Variants in P2RX7 observed in about 807,000 individuals in gnomAD.
P2RX7 encodes the protein P2X purinoceptor 7.
Under a neutral mutation model 71.6 loss-of-function variants are expected in P2RX7, and 62 were observed. The ratio of observed to expected loss-of-function variants is 0.87; its 90% confidence interval spans 0.71 to 1.07. The LOEUF (loss-of-function observed/expected upper bound fraction) is 1.07. P2RX7 is among the 50% of genes least tolerant of loss of function. The pLI, the probability that P2RX7 is intolerant of heterozygous loss-of-function variation, is 0.00. For missense variants in P2RX7, 686 were observed against 748.5 expected (o/e 0.92, Z 0.97); for synonymous variants, 299 against 283.3 (o/e 1.06, Z -0.56).
chr12:121,172,062 C>A (rs1365792668), intron 8 of P2RX7, among the ~76,000 whole-genome samples: 3 of 151,874 alleles, frequency 2.0e-5, no homozygotes, highest in Non-Finnish European at 4.4e-5. Context: ...GGGGTTTCAC[C>A]ATGTTAGCCA....
Position 121,184,793 on chromosome 12 carries a change from T to C in P2RX7, c.1779T>C (p.Ser593=), listed in dbSNP as rs1431456237. ...KSEGQYSGFK[S]PY The stretch of plus-strand genomic sequence containing the variant: ...AAGGGCAGTACAGTGGCTTCAAGAG[T>C]CCTTACTGAAGCCAGGCACCGTGGC... The change falls in exon 13 of 13, where the codon AGT becomes AGC. Residue 593 remains serine (S), a synonymous_variant. Coordinates refer to ENST00000328963, the MANE Select transcript of P2RX7 (RefSeq NM_002562.6). 1.3e-6 allele frequency: 2 copies of C among 1,538,094 alleles called. No individual in the cohort carries two copies. The highest frequency in any genetic ancestry group is 1.4e-5 in the African/African-American group (1 of 72,680).
intron 1 of P2RX7, among the ~76,000 whole-genome samples, chr12:121,145,502 C>T (rs960896861): frequency 1.4e-5 from 2 of 144,670 alleles, no homozygotes; most frequent in African/African-American, 5.5e-5. Context: ...TTTCTTTCTT[C>T]TTTCTTTCTT....
intron 9 of P2RX7, among the ~76,000 whole-genome samples, chr12:121,176,437 G>T (rs113697830): frequency 6.0e-4 from 92 of 152,298 alleles, no homozygotes; most frequent in Middle Eastern, 3.4e-3. Context: ...CTGAGAGAAT[G>T]CAAAGACCGC....
chr12:121,151,620 T>G (rs1474255272), intron 1 of P2RX7, among the ~76,000 whole-genome samples: 2 of 152,180 alleles, frequency 1.3e-5, no homozygotes, highest in African/African-American at 4.8e-5. Context: ...AATTTTTTAT[T>G]GGGGTGAAAT....
At chr12:121,158,169 A>G (rs1306959684) in intron 3 of P2RX7, among the ~76,000 whole-genome samples, 2 of 152,142 alleles carry the variant, frequency 1.3e-5, no homozygotes, top group East Asian at 3.8e-4. Context: ...ACATGAATAG[A>G]TATTTGCTCC....
At chr12:121,181,075 C>T (rs1364177238) in intron 12 of P2RX7, among the ~76,000 whole-genome samples, 1 of 152,204 alleles carries the variant, frequency 6.6e-6, no homozygotes, top group African/African-American at 2.4e-5. Flanking sequence ...AGCCCACCAA[C>T]TGCCCTCTCT....
intron 8 of P2RX7, among the ~76,000 whole-genome samples, chr12:121,168,178 A>C (rs1460073438): frequency 6.6e-6 from 1 of 152,066 alleles, no homozygotes; most frequent in African/African-American, 2.4e-5. Context: ...AGCCACTCAA[A>C]ATTCTTTGTA....
At position 121,154,886 on chromosome 12, in the gene P2RX7, T is replaced by C. The variant is rs17525809; in HGVS notation, c.227T>C (p.Val76Ala). ...ATAGCAGAGGTGAAAGAGGAGATCGTGGAGAATGGAGTGAAGAAGTTGGTG... is the reference window on the plus strand; with the variant it reads ...ATAGCAGAGGTGAAAGAGGAGATCGCGGAGAATGGAGTGAAGAAGTTGGTG... ...KGIAEVKEEI[V>A]ENGVKKLVHS... The change falls in exon 2 of 13, where the codon GTG (valine) becomes GCG (alanine). Residue 76 changes from valine to alanine, a missense_variant. Val to Ala is a moderately conservative substitution (Grantham distance 64). Coordinates refer to ENST00000328963, the MANE Select transcript of P2RX7 (RefSeq NM_002562.6). This position sits in a 1 kb window ranked among gnomAD's most constrained non-coding sequence, Gnocchi z 4.2. 111,594 of 1,613,982 alleles carry C rather than the reference T, an allele frequency of 0.069. 4,300 individuals carry two copies. Among genetic ancestry groups the C allele is most frequent in the South Asian group, 0.082 (7,500 of 91,078 alleles).
intron 8 of P2RX7, among the ~76,000 whole-genome samples, chr12:121,169,565 GTGTTTC>G (rs1203026516): frequency 5.3e-5 from 8 of 152,124 alleles, no homozygotes; most frequent in Non-Finnish European, 8.8e-5. Flanking sequence ...CCCCTTAAAT[GTGTTTC>G]TGTTTCTGTT....
intron 1 of P2RX7, among the ~76,000 whole-genome samples, chr12:121,152,549 T>C (rs1201998962): frequency 6.6e-6 from 1 of 152,008 alleles, no homozygotes; most frequent in Non-Finnish European, 1.5e-5. Flanking sequence ...GATGGAGCTT[T>C]GTTCTTGTTG....
intron 7 of P2RX7, 131 bp downstream of exon 7, chr12:121,166,318 C>A: frequency 1.0e-6 from 1 of 978,024 alleles, no homozygotes; most frequent in Non-Finnish European, 1.5e-6. Context: ...GTAAATCCAC[C>A]CGCTACGCTA....
intron 11 of P2RX7, among the ~76,000 whole-genome samples, chr12:121,178,791 CAAAAA>C (rs386377968): frequency 2.0e-4 from 13 of 66,510 alleles, no homozygotes; most frequent in Middle Eastern, 0.012. Flanking sequence ...AACTCTGTCT[CAAAAA>C]AAAAAAAAAA....
rs1878129305 is a variant in P2RX7 at position 121,154,339 on chromosome 12, AT to A, written c.126-444del. 6.6e-6 allele frequency among the ~76,000 whole-genome samples: 1 copy of A among 151,864 alleles called. No homozygotes were observed. The highest frequency in any genetic ancestry group is 1.5e-5 in the Non-Finnish European group (1 of 68,000). ...GAGAGTAGCTGCCATTTTCAATGTTATTGATAAAGCAGGTGGGTGTTTCTGA... is the reference window on the plus strand; with the variant it reads ...GAGAGTAGCTGCCATTTTCAATGTTATGATAAAGCAGGTGGGTGTTTCTGA... On this transcript the variant is annotated intron_variant, in intron 1 of 12. Transcript: ENST00000328963. This position sits in a 1 kb window ranked among gnomAD's most constrained non-coding sequence, Gnocchi z 4.2.
intron 2 of P2RX7, among the ~76,000 whole-genome samples, 166 bp from the exon 3 acceptor site, chr12:121,155,913 C>G (rs768080706): frequency 6.6e-6 from 1 of 152,212 alleles, no homozygotes; most frequent in African/African-American, 2.4e-5. Context: ...CAGGGCTGCT[C>G]GTCCAGCTTT....
chr12:121,141,273 G>A (rs116143798), intron 1 of P2RX7, among the ~76,000 whole-genome samples: 286 of 152,312 alleles, frequency 1.9e-3, no homozygotes, highest in East Asian at 8.3e-3. Flanking sequence ...AGCTGCCTCC[G>A]CATCTGATTT....
chr12:121,173,977 G>A (rs1231746030), intron 8 of P2RX7, among the ~76,000 whole-genome samples: 1 of 151,790 alleles, frequency 6.6e-6, no homozygotes, highest in Non-Finnish European at 1.5e-5. Context: ...ACTCCAGCCT[G>A]GTTGAAGGAA....
rs760498473 is a variant in P2RX7 at position 121,156,145 on chromosome 12, G to A, written c.361G>A (p.Glu121Lys). 21 of 1,613,526 alleles carry A rather than the reference G, an allele frequency of 1.3e-5. No individual in the cohort carries two copies. Among genetic ancestry groups the A allele is most frequent in the African/African-American group, 9.3e-5 (7 of 74,924 alleles). Residue 121 changes from glutamate to lysine, a missense_variant and splice_region_variant, in exon 3 of 13, where the codon GAG (glutamate) becomes AAG (lysine). By Grantham distance (56) the Glu-to-Lys change is moderately conservative. Coordinates refer to ENST00000328963, the MANE Select transcript of P2RX7 (RefSeq NM_002562.6). ...TEGQEQRLCPEYPTRRTLCSS... is the reference protein window; with the variant it reads ...TEGQEQRLCPKYPTRRTLCSS... ...AGGCCAAGAGCAGCGGTTGTGTCCC[G>A]AGGTAAGGAGGGGACCTGGAGTGGT... is the stretch of plus-strand genomic sequence containing the variant.
chr12:121,163,203 G>C (rs2136077491), intron 5 of P2RX7, among the ~76,000 whole-genome samples: 1 of 152,236 alleles, frequency 6.6e-6, no homozygotes, highest in Admixed American at 6.5e-5. Context: ...ACCTCTCTGA[G>C]TTTCAGTGTC....
chr12:121,147,830 C>T lies in P2RX7; in HGVS notation c.126-6955C>T, dbSNP rs532815920. 5.3e-5 allele frequency among the ~76,000 whole-genome samples: 8 copies of T among 152,130 alleles called. No homozygotes were observed. In the East Asian group the frequency reaches 9.6e-4, roughly 18 times the overall value. ...TTTCCACCATGTTGGCCAGGCGGGTCTTGAACTCCTGGCCTCAATTAATCT... is the reference window on the plus strand; with the variant it reads ...TTTCCACCATGTTGGCCAGGCGGGTTTTGAACTCCTGGCCTCAATTAATCT... On this transcript the variant is annotated intron_variant, in intron 1 of 12. Transcript: ENST00000328963.
Sources: allele counts gnomAD v4.1 joint callset (sites outside exome capture counted in the v4.1 genomes callset), GRCh38; gene constraint gnomAD v4.1.1; non-coding constraint Gnocchi (gnomAD v3.1); transcripts MANE v1.5; gene names NCBI Gene and HGNC (gene_info 2026-07-23, HGNC 2026-07-21).